FOXO1: variants seen among roughly 807,000 people sequenced by gnomAD.
FOXO1 encodes forkhead box O1.
Under a neutral mutation model 44.1 loss-of-function variants are expected in FOXO1, and 6 were observed. That is an observed-to-expected ratio of 0.14 (90% CI 0.07 to 0.27). The LOEUF (loss-of-function observed/expected upper bound fraction) is 0.27, where lower values mean the gene tolerates loss of function less well. Ranked by LOEUF, FOXO1 falls within the 10% of genes least tolerant of loss-of-function variation. FOXO1 has a pLI of 1.00. For synonymous variants in FOXO1, 380 were observed against 362.7 expected (o/e 1.05, Z -0.54); for missense variants, 737 against 888.8 (o/e 0.83, Z 2.17).
chr13:40,598,468 A>G (rs760088245), intron 1 of FOXO1, among the ~76,000 whole-genome samples: 14 of 152,216 alleles, frequency 9.2e-5, no homozygotes, highest in Non-Finnish European at 1.6e-4. Context: ...AACAAAAACA[A>G]ACTAATGAAA....
Position 40,634,903 on chromosome 13 carries a change from C to T in FOXO1, c.630+30680G>A, listed in dbSNP as rs551157046. ...ATGTTGGCCAGGCTGGTCTCGAACT[C>T]CTGACCTCATGGATCCACCCACCTC... On this transcript the variant is annotated intron_variant, in intron 1 of 2. Coordinates refer to ENST00000379561, the MANE Select transcript of FOXO1 (RefSeq NM_002015.4). Among the ~76,000 whole-genome samples the T allele has an allele frequency of 9.9e-5, 15 of 152,242 alleles. No individual in the cohort carries two copies. In the South Asian group the frequency reaches 2.7e-3, roughly 27 times the overall value.
At chr13:40,629,450 T>G (rs1297545730) in intron 1 of FOXO1, among the ~76,000 whole-genome samples, 1 of 152,234 alleles carries the variant, frequency 6.6e-6, no homozygotes, top group East Asian at 1.9e-4. Flanking sequence ...CCAAACAACA[T>G]GACTTTTGAA....
At chr13:40,603,206 T>C (rs1388109067) in intron 1 of FOXO1, among the ~76,000 whole-genome samples, 3 of 152,122 alleles carry the variant, frequency 2.0e-5, no homozygotes, top group African/African-American at 7.2e-5. Flanking sequence ...TACAGGGTAA[T>C]GAGGAGAAAC....
intron 1 of FOXO1, among the ~76,000 whole-genome samples, chr13:40,587,333 C>T (rs1254587559): frequency 1.3e-5 from 2 of 148,412 alleles, no homozygotes; most frequent in African/African-American, 5.0e-5. Flanking sequence ...GAAGCAAATA[C>T]GAACAGATAG....
At chr13:40,569,841 C>G (rs1874412207) in intron 1 of FOXO1, among the ~76,000 whole-genome samples, 1 of 152,026 alleles carries the variant, frequency 6.6e-6, no homozygotes, top group African/African-American at 2.4e-5. Context: ...CAACTCCTGG[C>G]CTCAACTGAT....
chr13:40,577,987 AAGAC>A (rs1207218712), intron 1 of FOXO1, among the ~76,000 whole-genome samples: 1 of 152,194 alleles, frequency 6.6e-6, no homozygotes, highest in Non-Finnish European at 1.5e-5. Context: ...TTTCTGCTAA[AAGAC>A]AGAAGAGCTG....
intron 1 of FOXO1, among the ~76,000 whole-genome samples, chr13:40,651,736 AGAT>A (rs1193582698): frequency 6.6e-6 from 1 of 151,312 alleles, no homozygotes. Context: ...TATAAATATA[AGAT>A]TATAAATAAA....
rs141103099 is a variant in FOXO1, at chr13:40,600,123, T to C, written c.631-39263A>G. ...TCCTCACCTAAAAAATTATGGTAAGTGCTATTCAAAACCTGATGACTTCAG... is the reference window on the plus strand; with the variant it reads ...TCCTCACCTAAAAAATTATGGTAAGCGCTATTCAAAACCTGATGACTTCAG... On this transcript the variant is annotated intron_variant, in intron 1 of 2. Transcript: ENST00000379561. Among the ~76,000 whole-genome samples, 775 of 152,316 alleles carry C rather than the reference T, an allele frequency of 5.1e-3. 2 individuals carry two copies. The highest frequency in any genetic ancestry group is 0.034 in the Middle Eastern group (10 of 294).
intron 1 of FOXO1, chr13:40,619,866 G>T: frequency 1.4e-6 from 1 of 736,698 alleles, no homozygotes; most frequent in Non-Finnish European, 2.5e-6. Context: ...AGGCACAACA[G>T]TTTAAAGCAG....
intron 1 of FOXO1, among the ~76,000 whole-genome samples, chr13:40,604,264 A>T (rs1875918342): frequency 6.6e-6 from 1 of 152,112 alleles, no homozygotes; most frequent in Admixed American, 6.5e-5. Flanking sequence ...CTTACAAGTC[A>T]ATCTTTTGAA....
At chr13:40,657,667 C>T (rs1027446378) in intron 1 of FOXO1, among the ~76,000 whole-genome samples, 4 of 152,098 alleles carry the variant, frequency 2.6e-5, no homozygotes, top group African/African-American at 9.7e-5. Flanking sequence ...GTTCAACGGC[C>T]AATACAGAAC....
chr13:40,614,495 T>C (rs1234436487), intron 1 of FOXO1, among the ~76,000 whole-genome samples: 6 of 152,208 alleles, frequency 3.9e-5, no homozygotes, highest in Non-Finnish European at 8.8e-5. Context: ...TGACGTTTCA[T>C]TTTGTAAAGA....
intron 1 of FOXO1, among the ~76,000 whole-genome samples, chr13:40,608,883 T>C (rs1197729765): frequency 6.6e-6 from 1 of 152,190 alleles, no homozygotes; most frequent in Non-Finnish European, 1.5e-5. Flanking sequence ...TTAAAGATAA[T>C]TTTCAGCTCA....
intron 1 of FOXO1, among the ~76,000 whole-genome samples, 193 bp downstream of exon 1, chr13:40,665,390 G>C (rs1388615873): frequency 1.3e-5 from 2 of 151,992 alleles, no homozygotes; most frequent in Admixed American, 6.5e-5. Context: ...ACTCCTGACT[G>C]GCGCGCACGC....
chr13:40,573,525 CTTGAATGA>C (rs1219999444), intron 1 of FOXO1, among the ~76,000 whole-genome samples: 5 of 152,210 alleles, frequency 3.3e-5, no homozygotes, highest in African/African-American at 1.2e-4. Context: ...AGGGTCCCCA[CTTGAATGA>C]CTAAGCAAAC....
intron 1 of FOXO1, among the ~76,000 whole-genome samples, chr13:40,563,840 C>T (rs1874148511): frequency 6.6e-6 from 1 of 152,194 alleles, no homozygotes; most frequent in Non-Finnish European, 1.5e-5. Context: ...GTTCTTAATT[C>T]CTCCTTAAGA....
chr13:40,617,271 A>C (rs1876459178), intron 1 of FOXO1, among the ~76,000 whole-genome samples: 1 of 152,004 alleles, frequency 6.6e-6, no homozygotes, highest in South Asian at 2.1e-4. Context: ...CATGGAGAAG[A>C]CTCGCCTCTA....
intron 1 of FOXO1, among the ~76,000 whole-genome samples, chr13:40,568,560 T>C (rs1200029875): frequency 1.3e-5 from 2 of 152,226 alleles, no homozygotes; most frequent in East Asian, 1.9e-4. Context: ...ACCCTTTTTT[T>C]ACAAGAGTTG....
chr13:40,563,947 T>C (rs903958880), intron 1 of FOXO1, among the ~76,000 whole-genome samples: 1 of 152,172 alleles, frequency 6.6e-6, no homozygotes, highest in African/African-American at 2.4e-5. Context: ...TGCACAATAT[T>C]CCATCATGAC....
Sources: gnomAD v4.1 joint callset for allele counts (sites outside exome capture counted in the v4.1 genomes callset) on GRCh38, gnomAD v4.1.1 for gene constraint, MANE v1.5 for transcripts, NCBI Gene and HGNC (gene_info 2026-07-23, HGNC 2026-07-21) for gene names.